The following INAVA variants were observed in gnomAD, a reference collection of about 807,000 sequenced individuals.
INAVA encodes the protein innate immunity activator protein.
In INAVA, 32 loss-of-function variants were observed where a neutral mutation model predicts 55.3. The observed-to-expected ratio is 0.58, with a 90% CI of 0.44 to 0.78. The LOEUF (loss-of-function observed/expected upper bound fraction) is 0.78, where lower values mean the gene tolerates loss of function less well. INAVA is among the 30% of genes least tolerant of loss of function. INAVA has a pLI of 0.00. For synonymous variants in INAVA, 294 were observed against 329.4 expected, an observed-to-expected ratio of 0.89 and a Z score of 1.16; for missense variants, 756 against 786.4, an observed-to-expected ratio of 0.96 and a Z score of 0.46.
At chr1:200,902,094 G>A (rs771979047) in intron 5 of INAVA, among the ~76,000 whole-genome samples, 19 of 152,188 alleles carry the variant, frequency 1.2e-4, no homozygotes, top group African/African-American at 4.1e-4. Context: ...AGAGGGAACC[G>A]GGAGGGAATG....
At chr1:200,896,166 T>C (rs1278588822) in intron 1 of INAVA, among the ~76,000 whole-genome samples, 1 of 152,178 alleles carries the variant, frequency 6.6e-6, no homozygotes, top group African/African-American at 2.4e-5. Flanking sequence ...TTGGCCCAAC[T>C]TTCCAAGGCA....
chr1:200,895,946 G>A (rs935077822), intron 1 of INAVA, among the ~76,000 whole-genome samples: 2 of 152,174 alleles, frequency 1.3e-5, no homozygotes, highest in African/African-American at 4.8e-5. Flanking sequence ...TCTACTTGGG[G>A]CAGCAAGTCA....
intron 9 of INAVA, 139 bp from the exon 10 acceptor site, chr1:200,913,398 T>C: frequency 1.5e-6 from 1 of 655,442 alleles, no homozygotes; most frequent in Non-Finnish European, 2.7e-6. Context: ...AGGAAGGGGC[T>C]GAGTGCCAGG....
rs376649969 is a variant in INAVA at position 200,899,881 on chromosome 1, G to A, written c.181-223G>A. 5.3e-5 allele frequency among the ~76,000 whole-genome samples: 8 copies of A among 152,216 alleles called. No individual in the cohort carries two copies. The East Asian group carries it at 5.8e-4, about 11-fold the overall frequency. ...GCATATGAGTGCTGTAACCCGGGTC[G>A]GTGTAGCTCTGGAGGAAGTGATCAG... On this transcript the variant is annotated intron_variant, in intron 3 of 9. Coordinates refer to ENST00000413687, the MANE Select transcript of INAVA (RefSeq NM_001142569.3).
intron 5 of INAVA, among the ~76,000 whole-genome samples, chr1:200,902,044 C>T (rs1571864393): frequency 6.6e-6 from 1 of 152,154 alleles, no homozygotes; most frequent in Admixed American, 6.5e-5. Flanking sequence ...AGCTCTGCCC[C>T]CCGTCTCTCA....
At chr1:200,902,378 C>T (rs1653295589) in intron 5 of INAVA, among the ~76,000 whole-genome samples, 1 of 152,232 alleles carries the variant, frequency 6.6e-6, no homozygotes, top group Non-Finnish European at 1.5e-5. Flanking sequence ...TGACCAGACA[C>T]CACCCAGGTC....
intron 9 of INAVA, among the ~76,000 whole-genome samples, chr1:200,912,955 T>C (rs1394230064): frequency 6.6e-6 from 1 of 152,196 alleles, no homozygotes; most frequent in Non-Finnish European, 1.5e-5. Flanking sequence ...TTCTTCATTC[T>C]GGAAGTGGGG....
chr1:200,898,014 T>C (rs1653017940), intron 1 of INAVA, among the ~76,000 whole-genome samples: 2 of 152,156 alleles, frequency 1.3e-5, no homozygotes, highest in African/African-American at 4.8e-5. Context: ...TTCTCCCCAG[T>C]CGAGCGGTTC....
chr1:200,898,544 C>T, intron 2 of INAVA, 89 bp downstream of exon 2: 1 of 1,451,870 alleles, frequency 6.9e-7, no homozygotes, highest in Non-Finnish European at 9.4e-7. Context: ...AGCCCTCAGG[C>T]ACTAGGGCTG....
At position 200,909,416 on chromosome 1, in the gene INAVA, A is replaced by G. The variant is rs760237287; in HGVS notation, c.959+19A>G. 1.3e-6 allele frequency: 2 copies of G among 1,551,024 alleles called. No homozygotes were observed. The highest frequency in any genetic ancestry group is 2.4e-5 in the South Asian group (2 of 82,992). ...CTCTGAGGTAAGAGACAGCTTCCCC[A>G]GAGAGATGGGGGACCCACTTAGAGC... On this transcript the variant is annotated intron_variant, in intron 8 of 9. Coordinates refer to ENST00000413687, the MANE Select transcript of INAVA (RefSeq NM_001142569.3).
chr1:200,896,947 T>C (rs1293290203), intron 1 of INAVA, among the ~76,000 whole-genome samples: 1 of 152,232 alleles, frequency 6.6e-6, no homozygotes, highest in Non-Finnish European at 1.5e-5. Flanking sequence ...GCTGACTCAG[T>C]GAGGAGGTGG....
At position 200,912,104 on chromosome 1, in the gene INAVA, G is replaced by C. The variant is rs1653775145; in HGVS notation, c.1611G>C (p.Glu537Asp). Residue 537 changes from glutamate (E) to aspartate (D), a missense_variant, in exon 9 of 10, where the codon GAG becomes GAC. Glu to Asp is a conservative substitution (Grantham distance 45, BLOSUM62 2). Around this residue, in one of 2 missense-constraint regions of INAVA, gnomAD observed 117 missense variants for 162.1 expected, o/e 0.72. Coordinates refer to ENST00000413687, the MANE Select transcript of INAVA (RefSeq NM_001142569.3). Reference protein sequence around the residue: ...FRVRSLPLGREGFGRALGPRA... With the variant: ...FRVRSLPLGRDGFGRALGPRA... Reference sequence around the variant, plus strand: ...TCAGGAGCCTGCCCCTTGGGAGAGAGGGCTTCGGACGAGCCCTGGGACCCC... The same window carrying C: ...TCAGGAGCCTGCCCCTTGGGAGAGACGGCTTCGGACGAGCCCTGGGACCCC... 6.5e-7 allele frequency: 1 copy of C among 1,549,234 alleles called. No homozygotes were observed. The highest frequency in any genetic ancestry group is 8.7e-7 in the Non-Finnish European group (1 of 1,146,688).
At position 200,908,907 on chromosome 1, in the gene INAVA, C is replaced by T. The variant is rs115748776; in HGVS notation, c.752C>T (p.Pro251Leu). ...AGCCTGGACCACCCCTATGAGAAGCCCAGGAAGTCTTCTGAGCCCTGGAGC... is the reference window on the plus strand; with the variant it reads ...AGCCTGGACCACCCCTATGAGAAGCTCAGGAAGTCTTCTGAGCCCTGGAGC... ...ETSLDHPYEK[P>L]RKSSEPWSES... The change falls in exon 7 of 10, where the codon CCC becomes CTC. Residue 251 changes from proline (P) to leucine (L), a missense_variant. Around this residue, in one of 2 missense-constraint regions of INAVA, gnomAD observed 639 missense variants for 624.3 expected, o/e 1.02. Transcript: ENST00000413687. 1 of 1,613,704 alleles carries T rather than the reference C, an allele frequency of 6.2e-7. No homozygotes were observed. Among genetic ancestry groups the T allele is most frequent in the African/African-American group, 1.3e-5 (1 of 75,014 alleles).
chr1:200,901,416 G>A (rs1042768224), intron 5 of INAVA, among the ~76,000 whole-genome samples: 4 of 152,190 alleles, frequency 2.6e-5, no homozygotes, highest in African/African-American at 9.7e-5. Context: ...ACCTTCAAGA[G>A]ACTTCCTACA....
intron 5 of INAVA, among the ~76,000 whole-genome samples, chr1:200,905,734 A>G (rs1456167547): frequency 2.0e-5 from 3 of 152,232 alleles, no homozygotes; most frequent in African/African-American, 7.2e-5. Flanking sequence ...TCCAATAAAC[A>G]TTTATTTACA....
chr1:200,907,807 C>G, intron 5 of INAVA, 27 bp from the exon 6 acceptor site: 2 of 1,599,540 alleles, frequency 1.3e-6, no homozygotes, highest in Non-Finnish European at 1.7e-6. Flanking sequence ...TCACTTCCTT[C>G]TCTTCTCTCC....
intron 5 of INAVA, among the ~76,000 whole-genome samples, chr1:200,904,876 A>T (rs1375136884): frequency 6.6e-6 from 1 of 152,088 alleles, no homozygotes; most frequent in Admixed American, 6.6e-5. Flanking sequence ...GACTACAGTC[A>T]TGTGCCACCA....
At chr1:200,906,648 A>G (rs1653504426) in intron 5 of INAVA, among the ~76,000 whole-genome samples, 1 of 152,328 alleles carries the variant, frequency 6.6e-6, no homozygotes, top group African/African-American at 2.4e-5. Flanking sequence ...AATTTCCTTC[A>G]GGTGACTTGC....
At chr1:200,893,668 C>A (rs1337605684), upstream of INAVA, among the ~76,000 whole-genome samples, 1 of 152,110 alleles carries the variant, frequency 6.6e-6, no homozygotes, top group Non-Finnish European at 1.5e-5. Flanking sequence ...AGGTGGTCAG[C>A]CTGGAGCACT....
Sources: gnomAD v4.1 joint callset for allele counts (sites outside exome capture counted in the v4.1 genomes callset) on GRCh38, gnomAD v4.1.1 for gene constraint, gnomAD v4.1.1 regional missense constraint, MANE v1.5 for transcripts, NCBI Gene and HGNC (gene_info 2026-07-23, HGNC 2026-07-21) for gene names.